PRC1: variants seen among roughly 807,000 people sequenced by gnomAD.
The protein encoded by PRC1 is anaphase spindle elongation 1 homolog.
In PRC1, 54 loss-of-function variants were observed where a neutral mutation model predicts 91.2. The ratio of observed to expected loss-of-function variants is 0.59; its 90% confidence interval spans 0.48 to 0.74. PRC1 has a LOEUF of 0.74. PRC1 is among the 30% of genes least tolerant of loss of function. The probability of loss-of-function intolerance (pLI) is 0.00; values close to 1 mark genes in which losing one functional copy is unlikely to be tolerated. For synonymous variants in PRC1, 275 were observed against 263.6 expected (o/e 1.04, Z -0.42); for missense variants, 727 against 746.2 (o/e 0.97, Z 0.30).
rs770840120 is a variant in PRC1 at position 90,970,417 on chromosome 15, G to A, written c.1559C>T (p.Pro520Leu). 11 of 1,606,448 alleles carry A rather than the reference G, an allele frequency of 6.8e-6. No individual in the cohort carries two copies. The East Asian group carries it at 1.1e-4, about 16-fold the overall frequency. Residue 520 changes from proline (P) to leucine (L), a missense_variant, in exon 12 of 15, where the codon CCT (proline) becomes CTT (leucine). Physicochemically the swap from Pro to Leu is moderately conservative, Grantham distance 98. Transcript: ENST00000394249. The stretch of plus-strand genomic sequence containing the variant: ...GGGCATACTAACCTTGCTGCCAGAA[G>A]GAGGAAGTCGAGACACGGGGGAGTG... The part of the protein sequence containing the change: ...VYHSPVSRLP[P>L]SGSKPVAAST...
rs2037549098 is a variant in PRC1, at chr15:90,966,978, A to T, written c.*153T>A. 1 of 669,046 alleles carries T rather than the reference A, an allele frequency of 1.5e-6. No homozygotes were observed. Among genetic ancestry groups the T allele is most frequent in the Non-Finnish European group, 2.6e-6 (1 of 378,242 alleles). 41.4% of individuals were successfully genotyped at this position (669,046 alleles called of 1,614,324 possible). On this transcript the variant is annotated 3_prime_UTR_variant, in exon 15 of 15. Coordinates refer to ENST00000394249, the MANE Select transcript of PRC1 (RefSeq NM_003981.4). ...AACCTATGATGGGCTTTCAACTGTAACACTCATTCACATCTTTAAGTTAGG... is the reference window on the plus strand; with the variant it reads ...AACCTATGATGGGCTTTCAACTGTATCACTCATTCACATCTTTAAGTTAGG...
At chr15:90,980,495 G>T in intron 6 of PRC1, 106 bp from the exon 7 acceptor site, 25 of 1,050,436 alleles carry the variant, frequency 2.4e-5, no homozygotes, top group South Asian at 4.9e-5. Flanking sequence ...AAGCCACAAA[G>T]GTATTATAAA....
chr15:90,980,509 AC>A, intron 6 of PRC1, 120 bp from the exon 7 acceptor site: 1 of 994,646 alleles, frequency 1.0e-6, no homozygotes, highest in Non-Finnish European at 1.4e-6. Context: ...TTATAAATCA[AC>A]ACTTTTTTTT....
chr15:90,975,157 G>A (rs1178725057), intron 9 of PRC1, among the ~76,000 whole-genome samples: 1 of 152,214 alleles, frequency 6.6e-6, no homozygotes, highest in Non-Finnish European at 1.5e-5. Context: ...CCAGGCTAGA[G>A]TGCAGTGGCA....
rs1567180464 is a variant in PRC1 at position 90,970,387 on chromosome 15, A to G, written c.1572+17T>C. 1 of 1,553,140 alleles carries G rather than the reference A, an allele frequency of 6.4e-7. No homozygotes were observed. Among genetic ancestry groups the G allele is most frequent in the Non-Finnish European group, 8.9e-7 (1 of 1,125,010 alleles). On this transcript the variant is annotated intron_variant, in intron 12 of 14. Coordinates refer to ENST00000394249, the MANE Select transcript of PRC1 (RefSeq NM_003981.4). ...GGGACGCATGTGAGGATGTGCTTAG[A>G]CACAGGGCATACTAACCTTGCTGCC...
Position 90,966,265 on chromosome 15 carries a change from A to G in PRC1, c.*866T>C, listed in dbSNP as rs1185872964. ...AGAGTAGTGATTGAGAGGATAGGTA[A>G]AGAGGGCGCCTCATCGTGGAAGCTA... On this transcript the variant is annotated 3_prime_UTR_variant, in exon 15 of 15. Coordinates refer to ENST00000394249, the MANE Select transcript of PRC1 (RefSeq NM_003981.4). 3 of 223,190 alleles carry G rather than the reference A, an allele frequency of 1.3e-5. No homozygotes were observed. Among genetic ancestry groups the G allele is most frequent in the African/African-American group, 6.9e-5 (3 of 43,588 alleles). The allele number at this position is 223,190 out of a possible 1,614,324, so 13.8% of individuals were successfully genotyped here.
intron 1 of PRC1, among the ~76,000 whole-genome samples, chr15:90,992,259 A>C (rs991771676): frequency 8.5e-5 from 13 of 152,176 alleles, no homozygotes; most frequent in Non-Finnish European, 2.9e-5. Flanking sequence ...ACCACCATTT[A>C]AGACTAACTT....
rs895471825 is a variant in PRC1, at chr15:90,994,397, C to A, written c.11+10G>T. The A allele has an allele frequency of 6.2e-7, 1 of 1,611,970 alleles. No individual in the cohort carries two copies. Among genetic ancestry groups the A allele is most frequent in the Non-Finnish European group, 8.5e-7 (1 of 1,179,172 alleles). The stretch of plus-strand genomic sequence containing the variant: ...CTCCCGCGTCCCCTCGATTTCCCCG[C>A]AACCCGCACCTTCTCCTCATGGCGG... On this transcript the variant is annotated intron_variant, in intron 1 of 14. Transcript: ENST00000394249.
At chr15:90,994,269 C>T in intron 1 of PRC1, 138 bp downstream of exon 1, 1 of 1,382,840 alleles carries the variant, frequency 7.2e-7, no homozygotes, top group East Asian at 2.6e-5. Context: ...CCTCAGCGCC[C>T]CCGGCCTCCC....
At chr15:90,978,657 GTAGGAGAATCA>G (rs1305462091) in intron 8 of PRC1, among the ~76,000 whole-genome samples, 1 of 148,546 alleles carries the variant, frequency 6.7e-6, no homozygotes, top group Non-Finnish European at 1.5e-5. Context: ...GGAGGCTGAG[GTAGGAGAATCA>G]CTTCAACCTG....
rs868805473 is a variant in PRC1 at position 90,978,770 on chromosome 15, A to C, written c.1107+388T>G. On this transcript the variant is annotated intron_variant, in intron 8 of 14. Coordinates refer to ENST00000394249, the MANE Select transcript of PRC1 (RefSeq NM_003981.4). ...CTCCACCTCAAAAAAAAAAAAAAAA[A>C]AAAAAAAAGTGCCATCAGGGTGGGA... Among the ~76,000 whole-genome samples, 881 of 150,326 alleles carry C rather than the reference A, an allele frequency of 5.9e-3. 25 individuals carry two copies. Among genetic ancestry groups the C allele is most frequent in the African/African-American group, 0.021 (857 of 40,850 alleles).
rs374203508 is a variant in PRC1, at chr15:90,969,939, A to G, written c.1573-316T>C. On this transcript the variant is annotated intron_variant, in intron 12 of 14. Transcript: ENST00000394249. ...CTCTAGAAAAAAATTTTTTTTAAATATGAATTCTTGATTTACAGAACACCT... is the reference window on the plus strand; with the variant it reads ...CTCTAGAAAAAAATTTTTTTTAAATGTGAATTCTTGATTTACAGAACACCT... Among the ~76,000 whole-genome samples, 26 of 152,200 alleles carry G rather than the reference A, an allele frequency of 1.7e-4. 1 individual carries two copies. The South Asian group carries it at 5.2e-3, about 30-fold the overall frequency.
intron 1 of PRC1, among the ~76,000 whole-genome samples, chr15:90,992,155 G>A (rs1389720063): frequency 6.6e-6 from 1 of 152,094 alleles, no homozygotes; most frequent in Non-Finnish European, 1.5e-5. Context: ...CACCTTCTCA[G>A]GGAGGCCTTT....
Position 90,979,305 on chromosome 15 carries a change from T to C in PRC1, c.971-11A>G. The stretch of plus-strand genomic sequence containing the variant: ...TTTCTGTGTAGTCCTCTGCAAAATA[T>C]AGGCCCAGTAGTTTAAAACAATTCC... On this transcript the variant is annotated splice_polypyrimidine_tract_variant and intron_variant, in intron 7 of 14. Transcript: ENST00000394249. The C allele has an allele frequency of 1.9e-6, 3 of 1,601,028 alleles. No individual in the cohort carries two copies. The highest frequency in any genetic ancestry group is 1.3e-5 in the African/African-American group (1 of 74,100).
Position 90,981,891 on chromosome 15 carries a change from C to G in PRC1, c.358G>C (p.Glu120Gln), listed in dbSNP as rs760109535. 1.2e-6 allele frequency: 2 copies of G among 1,614,076 alleles called. No individual in the cohort carries two copies. The change falls in exon 4 of 15, where the codon GAA (glutamate) becomes CAA (glutamine). Residue 120 changes from glutamate (E) to glutamine (Q), a missense_variant. By Grantham distance (29) the Glu-to-Gln change is conservative. Coordinates refer to ENST00000394249, the MANE Select transcript of PRC1 (RefSeq NM_003981.4). ...TCTTGCTCTTGAAGTAGCTTCAGTT[C>G]CTGTTTTCTCTCCTTTTTCTGTTTT... is the stretch of plus-strand genomic sequence containing the variant. ...MRKQKKERKQ[E>Q]LKLLQEQDQE...
intron 1 of PRC1, chr15:90,987,594 C>T (rs2039677433): frequency 6.6e-6 from 1 of 152,204 alleles, no homozygotes; most frequent in South Asian, 2.1e-4. Context: ...CTTTACAGAA[C>T]ATTTAAAGAA....
intron 7 of PRC1, among the ~76,000 whole-genome samples, 197 bp downstream of exon 7, chr15:90,980,045 T>A (rs1317050975): frequency 6.6e-6 from 1 of 152,260 alleles, no homozygotes; most frequent in Non-Finnish European, 1.5e-5. Context: ...ATATACTTCC[T>A]GTTGAATGTC....
rs1275572746 is a variant in PRC1 at position 90,974,224 on chromosome 15, GTC to G, written c.1371_1372del (p.Gln457HisfsTer15). 1 of 1,614,062 alleles carries G rather than the reference GTC, an allele frequency of 6.2e-7. No individual in the cohort carries two copies. Among genetic ancestry groups the G allele is most frequent in the Non-Finnish European group, 8.5e-7 (1 of 1,179,964 alleles). ...GCTGCCATACAGCATCTCTGTCTCTGTCTGTTTTTTGTTCTTCAGTTGCTGTG... is the reference window on the plus strand; with the variant it reads ...GCTGCCATACAGCATCTCTGTCTCTGTGTTTTTTGTTCTTCAGTTGCTGTG... On this transcript the variant is annotated frameshift_variant, in exon 11 of 15. Transcript: ENST00000394249. LOFTEE classifies it high-confidence loss of function. This position sits in a 1 kb window ranked among gnomAD's most constrained non-coding sequence, Gnocchi z 4.6.
At chr15:90,985,165 C>T (rs1344914336) in intron 1 of PRC1, among the ~76,000 whole-genome samples, 2 of 151,742 alleles carry the variant, frequency 1.3e-5, no homozygotes, top group Non-Finnish European at 1.5e-5. Flanking sequence ...AACACAAGAA[C>T]TTGCTGGTGA....
Sources: allele counts gnomAD v4.1 joint callset (sites outside exome capture counted in the v4.1 genomes callset), GRCh38; gene constraint gnomAD v4.1.1; non-coding constraint Gnocchi (gnomAD v3.1); transcripts MANE v1.5; gene names NCBI Gene and HGNC (gene_info 2026-07-23, HGNC 2026-07-21).